The following M1AP variants were observed in gnomAD, a reference collection of about 807,000 sequenced individuals.
M1AP encodes the protein meiosis 1 associated protein.
Under a neutral mutation model 51.2 loss-of-function variants are expected in M1AP, and 39 were observed. The observed-to-expected ratio is 0.76, with a 90% CI of 0.59 to 1.00. The LOEUF (loss-of-function observed/expected upper bound fraction) is 1.00. Ranked by LOEUF, M1AP falls within the 50% of genes least tolerant of loss-of-function variation. The pLI, the probability that M1AP is intolerant of heterozygous loss-of-function variation, is 0.00. For missense variants in M1AP, 545 were observed against 641.2 expected, an observed-to-expected ratio of 0.85 and a Z score of 1.62; for synonymous variants, 251 against 249.2, an observed-to-expected ratio of 1.01 and a Z score of -0.07.
intron 2 of M1AP, among the ~76,000 whole-genome samples, chr2:74,636,206 A>T (rs561106664): frequency 6.6e-6 from 1 of 151,944 alleles, no homozygotes; most frequent in African/African-American, 2.4e-5. Flanking sequence ...ATCATTGTCT[A>T]ATGTCCCTCT....
At position 74,562,107 on chromosome 2, in the gene M1AP, A is replaced by C. The variant is rs940805826; in HGVS notation, c.1281+110T>G. Reference sequence around the variant, plus strand: ...CTTTCTCTTCTTACTCTCTTACCACACTCCTTCAGCTCCGCATCCATTCCC... The same window carrying C: ...CTTTCTCTTCTTACTCTCTTACCACCCTCCTTCAGCTCCGCATCCATTCCC... On this transcript the variant is annotated intron_variant, in intron 8 of 10. Coordinates refer to ENST00000421985, the MANE Select transcript of M1AP (RefSeq NM_001321739.2). The C allele has an allele frequency of 1.5e-5, 22 of 1,484,636 alleles. No homozygotes were observed. The African/African-American group carries it at 3.0e-4, about 20-fold the overall frequency. 92.0% of individuals were successfully genotyped at this position (1,484,636 alleles called of 1,614,324 possible).
intron 8 of M1AP, among the ~76,000 whole-genome samples, chr2:74,561,169 AAGG>A (rs1558643768): frequency 2.3e-3 from 60 of 26,502 alleles, no homozygotes; most frequent in Admixed American, 5.6e-3. Flanking sequence ...GGAGGAGGAG[AAGG>A]AGGAGGAGGA....
chr2:74,645,655 A>C (rs534564202), intron 1 of M1AP, among the ~76,000 whole-genome samples: 1 of 152,170 alleles, frequency 6.6e-6, no homozygotes, highest in East Asian at 1.9e-4. Flanking sequence ...TTTCTGCATC[A>C]ACTCCCCCTT....
chr2:74,577,506 G>A (rs909287220), intron 5 of M1AP, among the ~76,000 whole-genome samples: 4 of 152,218 alleles, frequency 2.6e-5, no homozygotes, highest in African/African-American at 9.6e-5. Flanking sequence ...GCTGGTAGTT[G>A]ATGCTAGTGA....
At chr2:74,559,589 T>TC in intron 10 of M1AP, 109 bp downstream of exon 10, 1 of 692,142 alleles carries the variant, frequency 1.4e-6, no homozygotes, top group Admixed American at 2.2e-5. Flanking sequence ...CAATCACTCT[T>TC]CCCTCTTCAA....
chr2:74,560,210 T>A lies in M1AP; in HGVS notation c.1363A>T (p.Ile455Phe), dbSNP rs767922542. ...QSHLYSHLSS[I>F]YAKPQGRLHP... ...AGCCGCCCCTGAGGCTTGGCATAGA[T>A]GCTGCTCAGGTGTGAGTACAGGTGG... is the stretch of plus-strand genomic sequence containing the variant. The change falls in exon 9 of 11, where the codon ATC becomes TTC. Residue 455 changes from isoleucine to phenylalanine, a missense_variant. Coordinates refer to ENST00000421985, the MANE Select transcript of M1AP (RefSeq NM_001321739.2). The A allele has an allele frequency of 2.5e-6, 4 of 1,613,876 alleles. No individual in the cohort carries two copies. Among genetic ancestry groups the A allele is most frequent in the Non-Finnish European group, 3.4e-6 (4 of 1,179,968 alleles).
chr2:74,561,963 CT>C, intron 8 of M1AP: 1 of 985,394 alleles, frequency 1.0e-6, no homozygotes, highest in African/African-American at 1.7e-5. Context: ...GCCAATATCC[CT>C]TTTCTCTCCC....
chr2:74,575,206 C>T (rs907189222), intron 7 of M1AP: 18 of 782,602 alleles, frequency 2.3e-5, no homozygotes, highest in South Asian at 5.8e-5. Flanking sequence ...GCTTGCCAAT[C>T]GGGGATTTTC....
chr2:74,642,965 G>A (rs553699597), intron 1 of M1AP, among the ~76,000 whole-genome samples: 1 of 152,008 alleles, frequency 6.6e-6, no homozygotes. Flanking sequence ...CAATCCAACC[G>A]GCTCTGCCAC....
intron 4 of M1AP, among the ~76,000 whole-genome samples, chr2:74,604,250 C>T (rs1050509289): frequency 3.3e-5 from 5 of 152,176 alleles, no homozygotes; most frequent in Non-Finnish European, 5.9e-5. Context: ...GCATATCTTG[C>T]TTCTCATGTC....
At chr2:74,620,333 G>T (rs1681929714) in intron 2 of M1AP, among the ~76,000 whole-genome samples, 2 of 152,360 alleles carry the variant, frequency 1.3e-5, no homozygotes, top group South Asian at 2.1e-4. Flanking sequence ...GGAATAAAAG[G>T]TGTTTAGAAG....
At chr2:74,567,705 C>T (rs1040073470) in intron 7 of M1AP, among the ~76,000 whole-genome samples, 8 of 152,128 alleles carry the variant, frequency 5.3e-5, no homozygotes, top group African/African-American at 1.7e-4. Context: ...ATTAAAAATA[C>T]GTGAATAATT....
rs1232105659 is a variant in M1AP, at chr2:74,615,146, C to T, written c.244G>A (p.Val82Met). ...TGCAACCTAGCAAAGTTCCCTTTCA[C>T]TTGCTGCAGAGAAAAACGAATCAAA... ...QHECILPFVQ[V>M]KGNFARLQTC... The change falls in exon 3 of 11, where the codon GTG (valine) becomes ATG (methionine). Residue 82 changes from valine to methionine, a missense_variant. Transcript: ENST00000421985. 1.9e-6 allele frequency: 3 copies of T among 1,613,982 alleles called. No homozygotes were observed. The highest frequency in any genetic ancestry group is 2.5e-6 in the Non-Finnish European group (3 of 1,179,840).
At chr2:74,563,183 C>A (rs868692366) in intron 7 of M1AP, among the ~76,000 whole-genome samples, 7 of 151,966 alleles carry the variant, frequency 4.6e-5, no homozygotes, top group Middle Eastern at 3.4e-3. Flanking sequence ...GAGTTCAAGA[C>A]CAGTCTGTGC....
chr2:74,570,071 T>C (rs1678637120), intron 7 of M1AP, among the ~76,000 whole-genome samples: 1 of 152,156 alleles, frequency 6.6e-6, no homozygotes, highest in Admixed American at 6.5e-5. Context: ...AATTTACTTT[T>C]GGGCCTCTGA....
In M1AP at chr2:74,576,445, T is replaced by C. The variant is rs1317259334; in HGVS notation, c.932+11A>G. The C allele has an allele frequency of 6.2e-7, 1 of 1,613,054 alleles. No homozygotes were observed. The highest frequency in any genetic ancestry group is 8.5e-7 in the Non-Finnish European group (1 of 1,179,798). ...ATTTGCATGGATTGGGGAGGTTCCC[T>C]TGGACCATACTTGATCACTTGGAGC... On this transcript the variant is annotated intron_variant, in intron 6 of 10. Transcript: ENST00000421985.
intron 2 of M1AP, among the ~76,000 whole-genome samples, chr2:74,629,196 T>A (rs776957767): frequency 6.6e-6 from 1 of 152,214 alleles, no homozygotes; most frequent in Non-Finnish European, 1.5e-5. Flanking sequence ...TCTCCTTAGA[T>A]AGGTTAACAT....
chr2:74,623,478 G>A lies in M1AP; in HGVS notation c.241-8329C>T, dbSNP rs1682190602. Among the ~76,000 whole-genome samples the A allele has an allele frequency of 1.3e-5, 2 of 150,842 alleles. 1 individual carries two copies. The highest frequency in any genetic ancestry group is 4.2e-4 in the South Asian group (2 of 4,774). The stretch of plus-strand genomic sequence containing the variant: ...AGATTGTGCCACTGTACTCTAGACT[G>A]AGTAACAGAGCCAGACTCTGTCTAT... On this transcript the variant is annotated intron_variant, in intron 2 of 10. Transcript: ENST00000421985.
intron 1 of M1AP, among the ~76,000 whole-genome samples, chr2:74,647,011 T>C (rs1683651518): frequency 6.6e-6 from 1 of 152,178 alleles, no homozygotes; most frequent in African/African-American, 2.4e-5. Flanking sequence ...TCTGACCTTA[T>C]TCTGACCCTA....
Sources: gnomAD v4.1 joint callset for allele counts (sites outside exome capture counted in the v4.1 genomes callset) on GRCh38, gnomAD v4.1.1 for gene constraint, MANE v1.5 for transcripts, NCBI Gene and HGNC (gene_info 2026-07-23, HGNC 2026-07-21) for gene names.